The following CHSY3 variants were observed in gnomAD, a reference collection of about 807,000 sequenced individuals.
CHSY3 encodes chondroitin sulfate synthase 3.
A neutral mutation model predicts 67.2 loss-of-function variants in CHSY3; 35 were observed. The ratio of observed to expected loss-of-function variants is 0.52; its 90% CI spans 0.40 to 0.69. The LOEUF (loss-of-function observed/expected upper bound fraction) is 0.69, where lower values mean the gene tolerates loss of function less well. Ranked by LOEUF, CHSY3 falls within the 30% of genes least tolerant of loss-of-function variation. CHSY3 has a pLI of 0.00. For synonymous variants in CHSY3, 474 were observed against 434.7 expected (o/e 1.09, Z -1.12); for missense variants, 1,069 against 1,138.5 (o/e 0.94, Z 0.88).
chr5:129,914,342 A>G (rs1760669542), intron 2 of CHSY3, among the ~76,000 whole-genome samples: 1 of 152,082 alleles, frequency 6.6e-6, no homozygotes. Context: ...CGAACTCCCA[A>G]CCTCAGGTGA....
intron 2 of CHSY3, among the ~76,000 whole-genome samples, chr5:130,174,413 T>C (rs1426154024): frequency 1.3e-5 from 2 of 152,096 alleles, no homozygotes; most frequent in African/African-American, 4.8e-5. Context: ...CCAAAGATTT[T>C]CACAGACAGC....
In CHSY3 at chr5:129,930,516, G is replaced by A. The variant is rs553251116; in HGVS notation, c.1086+22156G>A. On this transcript the variant is annotated intron_variant, in intron 2 of 2. Transcript: ENST00000305031. The stretch of plus-strand genomic sequence containing the variant: ...AAAGGAGGCATCACTGGCGGGGGGG[G>A]GGTATGAAGTTTTGCCTGGAGGACT... Among the ~76,000 whole-genome samples, 161 of 145,230 alleles carry A rather than the reference G, an allele frequency of 1.1e-3. 5 individuals are homozygous for A. The highest frequency in any genetic ancestry group is 3.5e-3 in the Middle Eastern group (1 of 288).
At chr5:130,007,880 G>A (rs1169870835) in intron 2 of CHSY3, among the ~76,000 whole-genome samples, 2 of 152,114 alleles carry the variant, frequency 1.3e-5, no homozygotes, top group African/African-American at 4.8e-5. Context: ...GTCCCTGTCT[G>A]GCCACACCCT....
At chr5:129,931,740 T>C (rs980463387) in intron 2 of CHSY3, among the ~76,000 whole-genome samples, 68 of 152,278 alleles carry the variant, frequency 4.5e-4, no homozygotes, top group African/African-American at 1.1e-3. Flanking sequence ...TCAGACACTT[T>C]TTAAGTATCT....
intron 2 of CHSY3, among the ~76,000 whole-genome samples, chr5:130,153,755 T>C (rs73247036): frequency 0.14 from 21,386 of 152,140 alleles, 2,804 homozygotes; most frequent in East Asian, 0.31. Flanking sequence ...TTGCAAACTA[T>C]TGGTTCTTGG....
chr5:130,111,062 A>G (rs900714653), intron 2 of CHSY3, among the ~76,000 whole-genome samples: 2 of 152,040 alleles, frequency 1.3e-5, no homozygotes, highest in Non-Finnish European at 2.9e-5. Flanking sequence ...CATTGAAAAA[A>G]GGATGTATGA....
chr5:130,003,752 C>T (rs1443130139), intron 2 of CHSY3, among the ~76,000 whole-genome samples: 1 of 152,024 alleles, frequency 6.6e-6, no homozygotes, highest in African/African-American at 2.4e-5. Context: ...CTAGTTTTCT[C>T]GAAATTTTCT....
chr5:129,956,840 A>G (rs1052588779), intron 2 of CHSY3, among the ~76,000 whole-genome samples: 7 of 152,040 alleles, frequency 4.6e-5, no homozygotes, highest in Non-Finnish European at 7.4e-5. Context: ...TTTTTGTACC[A>G]GTACCATGCT....
At chr5:130,149,761 C>G (rs752418746) in intron 2 of CHSY3, among the ~76,000 whole-genome samples, 41 of 151,964 alleles carry the variant, frequency 2.7e-4, no homozygotes, top group Non-Finnish European at 5.3e-4. Context: ...CTACCTTTCT[C>G]AGAACTGGAC....
chr5:130,008,551 A>T (rs1417825340), intron 2 of CHSY3, among the ~76,000 whole-genome samples: 1 of 152,170 alleles, frequency 6.6e-6, no homozygotes, highest in Admixed American at 6.5e-5. Context: ...AATCCTGGCA[A>T]CTCTAAAAGC....
intron 2 of CHSY3, among the ~76,000 whole-genome samples, chr5:130,152,686 T>C (rs757637277): frequency 1.3e-5 from 2 of 152,182 alleles, no homozygotes; most frequent in South Asian, 4.1e-4. Flanking sequence ...AAGCAACAGA[T>C]AAGAGAATCA....
intron 2 of CHSY3, among the ~76,000 whole-genome samples, chr5:129,921,713 TTGTA>T (rs1760930379): frequency 6.6e-6 from 1 of 152,198 alleles, no homozygotes; most frequent in South Asian, 2.1e-4. Context: ...TATTTTTAAT[TTGTA>T]TGGTATGTGT....
chr5:130,045,643 A>G (rs180853676), intron 2 of CHSY3, among the ~76,000 whole-genome samples: 1 of 152,180 alleles, frequency 6.6e-6, no homozygotes, highest in East Asian at 1.9e-4. Context: ...GGTGCTCTCT[A>G]TGGGAGTACG....
intron 2 of CHSY3, chr5:129,974,874 A>G (rs1030515081): frequency 1.3e-5 from 2 of 152,126 alleles, no homozygotes; most frequent in African/African-American, 4.8e-5. Context: ...ATTAATCATA[A>G]TTGAAATCTA....
intron 2 of CHSY3, among the ~76,000 whole-genome samples, chr5:130,071,418 A>G (rs1277232900): frequency 2.6e-5 from 4 of 152,010 alleles, no homozygotes; most frequent in Non-Finnish European, 5.9e-5. Context: ...AACAGTTTGG[A>G]CAGTTTAAAT....
intron 2 of CHSY3, among the ~76,000 whole-genome samples, chr5:130,179,044 C>A (rs1367239276): frequency 6.6e-6 from 1 of 152,196 alleles, no homozygotes; most frequent in Non-Finnish European, 1.5e-5. Flanking sequence ...TAGTGTCCTC[C>A]ACTTTTATTC....
At chr5:130,074,133 C>T (rs1041956965) in intron 2 of CHSY3, among the ~76,000 whole-genome samples, 6 of 152,106 alleles carry the variant, frequency 3.9e-5, no homozygotes, top group Admixed American at 1.3e-4. Flanking sequence ...TGCAGTAGCA[C>T]GAACTCAGCT....
intron 2 of CHSY3, among the ~76,000 whole-genome samples, chr5:130,091,561 G>A (rs1300874172): frequency 1.3e-5 from 2 of 152,144 alleles, no homozygotes; most frequent in East Asian, 3.9e-4. Context: ...CCATAATGTA[G>A]AACAAGAACA....
chr5:129,958,940 T>C (rs377112692), intron 2 of CHSY3, among the ~76,000 whole-genome samples: 2 of 152,110 alleles, frequency 1.3e-5, no homozygotes, highest in Admixed American at 6.6e-5. Context: ...GAATAAAATA[T>C]AGGACTCAGT....
Sources: gnomAD v4.1 joint callset for allele counts (sites outside exome capture counted in the v4.1 genomes callset) on GRCh38, gnomAD v4.1.1 for gene constraint, MANE v1.5 for transcripts, NCBI Gene and HGNC (gene_info 2026-07-23, HGNC 2026-07-21) for gene names.